Variants in LOXHD1 observed in about 807,000 individuals in gnomAD.
LOXHD1 encodes lipoxygenase homology domain-containing protein 1.
A neutral mutation model predicts 248.2 loss-of-function variants in LOXHD1; 205 were observed. That is an observed-to-expected ratio of 0.83 (90% CI 0.74 to 0.93). The LOEUF (loss-of-function observed/expected upper bound fraction) is 0.93. LOXHD1 is among the 40% of genes least tolerant of loss of function. LOXHD1 has a pLI of 0.00. For synonymous variants in LOXHD1, 1,113 were observed against 1,162.8 expected, an observed-to-expected ratio of 0.96 and a Z score of 0.87; for missense variants, 2,930 against 2,971.6, an observed-to-expected ratio of 0.99 and a Z score of 0.33.
intron 12 of LOXHD1, among the ~76,000 whole-genome samples, chr18:46,587,077 TCTC>T (rs2038075709): frequency 1.3e-5 from 2 of 152,152 alleles, no homozygotes; most frequent in Admixed American, 1.3e-4. Context: ...TGAGGAGAAA[TCTC>T]CTGCCTACCA....
At chr18:46,532,371 A>G (rs940303379) in intron 28 of LOXHD1, among the ~76,000 whole-genome samples, 3 of 152,216 alleles carry the variant, frequency 2.0e-5, no homozygotes, top group Non-Finnish European at 4.4e-5. Context: ...GACTCTGTCC[A>G]TATGTTCTGG....
intron 7 of LOXHD1, among the ~76,000 whole-genome samples, chr18:46,603,071 G>T (rs1254432034): frequency 6.6e-6 from 1 of 152,160 alleles, no homozygotes; most frequent in Non-Finnish European, 1.5e-5. Context: ...GAGCAGAGGA[G>T]CATTTAGGCT....
At chr18:46,594,975 A>T (rs1296785712) in intron 8 of LOXHD1, among the ~76,000 whole-genome samples, 1 of 152,168 alleles carries the variant, frequency 6.6e-6, no homozygotes, top group Admixed American at 6.5e-5. Context: ...CACTCACATT[A>T]TAAATGTTGA....
chr18:46,485,089 G>C lies in LOXHD1; in HGVS notation c.6112C>G (p.Leu2038Val). The change falls in exon 39 of 41, where the codon CTG (leucine) becomes GTG (valine). Residue 2038 changes from leucine (L) to valine (V), a missense_variant. Coordinates refer to ENST00000642948, the MANE Select transcript of LOXHD1 (RefSeq NM_001384474.1). ...TTGGATCGGTTCTTCCTGCCCTCCAGGATGAGCCAGACGTTCTCCCTGGTT... is the reference window on the plus strand; with the variant it reads ...TTGGATCGGTTCTTCCTGCCCTCCACGATGAGCCAGACGTTCTCCCTGGTT... The part of the protein sequence containing the change: ...GETRENVWLI[L>V]EGRKNRSKEF... 1 of 1,550,498 alleles carries C rather than the reference G, an allele frequency of 6.4e-7. No homozygotes were observed.
At chr18:46,579,859 T>C in intron 12 of LOXHD1, 75 bp from the exon 13 acceptor site, 3 of 1,475,382 alleles carry the variant, frequency 2.0e-6, no homozygotes, top group Admixed American at 2.1e-5. Context: ...CTCCCACTTC[T>C]AAGCTCTGAT....
At chr18:46,507,116 G>A (rs997719999) in intron 36 of LOXHD1, among the ~76,000 whole-genome samples, 10 of 152,222 alleles carry the variant, frequency 6.6e-5, no homozygotes, top group Admixed American at 1.3e-4. Flanking sequence ...GACCTGCAAG[G>A]TTTGGGCAGC....
chr18:46,612,771 A>C (rs1316830604), intron 5 of LOXHD1, among the ~76,000 whole-genome samples: 1 of 152,106 alleles, frequency 6.6e-6, no homozygotes, highest in Non-Finnish European at 1.5e-5. Context: ...CCCATCTGAA[A>C]GTTATTTTGT....
chr18:46,607,276 A>C (rs2038429394), intron 6 of LOXHD1, among the ~76,000 whole-genome samples: 1 of 151,338 alleles, frequency 6.6e-6, no homozygotes. Flanking sequence ...AAAATATTGT[A>C]TTCATTATGA....
At chr18:46,594,307 A>C (rs2038223495) in intron 9 of LOXHD1, 24 bp downstream of exon 9, 2 of 1,551,160 alleles carry the variant, frequency 1.3e-6, no homozygotes, top group African/African-American at 2.7e-5. Flanking sequence ...AGAGGCCTCC[A>C]GGTTCTGGGT....
At chr18:46,487,690 G>A (rs1467955981) in intron 38 of LOXHD1, among the ~76,000 whole-genome samples, 1 of 152,222 alleles carries the variant, frequency 6.6e-6, no homozygotes, top group Non-Finnish European at 1.5e-5. Flanking sequence ...CTGAAATGGT[G>A]TGGGATTGGA....
chr18:46,576,491 G>T (rs1012461480), intron 14 of LOXHD1, among the ~76,000 whole-genome samples: 3 of 152,042 alleles, frequency 2.0e-5, no homozygotes, highest in Non-Finnish European at 2.9e-5. Flanking sequence ...TTCAGCCTAG[G>T]TGGCCCACCC....
rs765691566 is a variant in LOXHD1 at position 46,560,426 on chromosome 18, C to T, written c.2718G>A (p.Val906=). ...VWLRHLVVRE[V]DLTPEEEARK... is the part of the protein sequence containing the mutation. ...GGGCCTCCTCCTCCGGCGTGAGGTCCACCTCCCGCACCACCAGGTGCCGCA... is the reference window on the plus strand; with the variant it reads ...GGGCCTCCTCCTCCGGCGTGAGGTCTACCTCCCGCACCACCAGGTGCCGCA... Residue 906 remains valine, a synonymous_variant, in exon 19 of 41, where the codon GTG becomes GTA. Coordinates refer to ENST00000642948, the MANE Select transcript of LOXHD1 (RefSeq NM_001384474.1). 4.6e-5 allele frequency: 71 copies of T among 1,546,500 alleles called. No homozygotes were observed. Among genetic ancestry groups the T allele is most frequent in the Non-Finnish European group, 5.9e-5 (68 of 1,147,130 alleles).
At chr18:46,543,293 C>T (rs946800115) in intron 23 of LOXHD1, among the ~76,000 whole-genome samples, 7 of 152,136 alleles carry the variant, frequency 4.6e-5, no homozygotes, top group African/African-American at 7.2e-5. Context: ...TCCTGAGTTA[C>T]TTCACTTAGA....
intron 8 of LOXHD1, among the ~76,000 whole-genome samples, chr18:46,600,020 A>G (rs2038310999): frequency 6.6e-6 from 1 of 152,236 alleles, no homozygotes; most frequent in African/African-American, 2.4e-5. Flanking sequence ...CTTTGGAAAT[A>G]ATAGTTATCC....
At position 46,529,340 on chromosome 18, in the gene LOXHD1, G is replaced by A. The variant is rs1315147314; in HGVS notation, c.4376-9C>T. On this transcript the variant is annotated splice_polypyrimidine_tract_variant and intron_variant, in intron 28 of 40. Transcript: ENST00000642948. ...CACCGAGTACAGCACAACTGGGCAG[G>A]TGGTGGGACAGACAGACAGACAAAG... 3.3e-6 allele frequency: 5 copies of A among 1,529,716 alleles called. No homozygotes were observed. Among genetic ancestry groups the A allele is most frequent in the South Asian group, 1.2e-5 (1 of 81,380 alleles). 94.8% of individuals were successfully genotyped at this position (1,529,716 alleles called of 1,614,324 possible). A position where few individuals can be genotyped will look rare whatever the true frequency, so the allele number is the denominator to read the frequency against.
At chr18:46,498,862 A>T (rs2034040461) in intron 37 of LOXHD1, among the ~76,000 whole-genome samples, 1 of 152,152 alleles carries the variant, frequency 6.6e-6, no homozygotes, top group Non-Finnish European at 1.5e-5. Flanking sequence ...CACCCATGAC[A>T]CCTACCCTTG....
chr18:46,534,715 T>C lies in LOXHD1; in HGVS notation c.4096-264A>G, dbSNP rs573723430. Among the ~76,000 whole-genome samples, 86 of 152,326 alleles carry C rather than the reference T, an allele frequency of 5.6e-4. 3 individuals carry two copies. The South Asian group carries it at 0.017, about 29-fold the overall frequency. On this transcript the variant is annotated intron_variant, in intron 26 of 40. Transcript: ENST00000642948. ...CTGGGAGGGGGACCCCTCTTCAGCA[T>C]GGAGCCCAGCTCCCCATCTGCCACT...
At chr18:46,509,160 C>T (rs912408098) in intron 35 of LOXHD1, among the ~76,000 whole-genome samples, 1 of 152,184 alleles carries the variant, frequency 6.6e-6, no homozygotes, top group African/African-American at 2.4e-5. Context: ...TTGAAGATCC[C>T]AGCATCCCAT....
intron 28 of LOXHD1, among the ~76,000 whole-genome samples, chr18:46,530,902 C>T (rs2036037001): frequency 6.6e-6 from 1 of 152,134 alleles, no homozygotes; most frequent in African/African-American, 2.4e-5. Flanking sequence ...CCTCAGCTCT[C>T]ATCTTGCACT....
Sources: gnomAD v4.1 joint callset for allele counts (sites outside exome capture counted in the v4.1 genomes callset) on GRCh38, gnomAD v4.1.1 for gene constraint, MANE v1.5 for transcripts, NCBI Gene and HGNC (gene_info 2026-07-23, HGNC 2026-07-21) for gene names.